The following THTPA variants were observed in gnomAD, a reference collection of about 807,000 sequenced individuals.
THTPA encodes thiamine-triphosphatase.
A neutral mutation model predicts 16.5 loss-of-function variants in THTPA; 16 were observed. The observed-to-expected ratio is 0.97, with a 90% confidence interval of 0.66 to 1.47. The LOEUF (loss-of-function observed/expected upper bound fraction) is 1.47. Ranked by LOEUF, THTPA falls within the 40% of genes most tolerant of loss-of-function variation. The pLI, the probability that THTPA is intolerant of heterozygous loss-of-function variation, is 0.00. For synonymous variants in THTPA, 110 were observed against 115.5 expected (o/e 0.95, Z 0.30); for missense variants, 281 against 280.9 (o/e 1.00, Z 0.00).
At chr14:23,525,854 A>G in the THTPA span, 3 of 1,455,272 alleles carry the variant, frequency 2.1e-6, no homozygotes, top group Non-Finnish European at 1.8e-6. The surrounding 1 kb of genome is among the most constrained non-coding windows in gnomAD (Gnocchi z 5.9). Context: ...GGGCAGGAGC[A>G]GCTGCTGCTG....
chr14:23,552,641 G>C (rs1408671607), upstream of THTPA, among the ~76,000 whole-genome samples: 1 of 151,502 alleles, frequency 6.6e-6, no homozygotes. Context: ...TCACTCTGTC[G>C]CCCAGGCTGC....
the THTPA span, chr14:23,526,408 G>T: frequency 1.1e-5 from 17 of 1,536,318 alleles, no homozygotes; most frequent in Non-Finnish European, 1.5e-5. Flanking sequence ...CCAGGGCAAA[G>T]TTGGTGGTTT....
chr14:23,556,784 G>C lies in THTPA; in HGVS notation c.27G>C (p.Glu9Asp). Residue 9 changes from glutamate to aspartate, a missense_variant, in exon 1 of 2, where the codon GAG becomes GAC. Coordinates refer to ENST00000288014, the MANE Select transcript of THTPA (RefSeq NM_024328.6). ...TGGCCCAGGGCTTGATTGAGGTGGA[G>C]CGAAAGTTCCTTCCAGGGCCTGGCA... MAQGLIEVERKFLPGPGTE... is the reference protein window; with the variant it reads MAQGLIEVDRKFLPGPGTE... The C allele has an allele frequency of 6.2e-7, 1 of 1,613,640 alleles. No homozygotes were observed. Among genetic ancestry groups the C allele is most frequent in the Non-Finnish European group, 8.5e-7 (1 of 1,179,794 alleles).
the THTPA span, chr14:23,529,264 C>T: frequency 3.6e-5 from 6 of 167,356 alleles, no homozygotes; most frequent in Admixed American, 1.2e-4. Context: ...GGTGCCCCTA[C>T]CCTTAGTAAG....
the THTPA span, chr14:23,522,976 A>G: frequency 4.8e-5 from 68 of 1,431,354 alleles, no homozygotes; most frequent in Admixed American, 5.8e-5. Flanking sequence ...AGGATTAGCC[A>G]TCTCCTGTCC....
chr14:23,532,562 C>G, the THTPA span: 1 of 1,437,084 alleles, frequency 7.0e-7, no homozygotes, highest in Non-Finnish European at 9.1e-7. Context: ...CTGACCCAGC[C>G]TCACCTTATA....
At chr14:23,543,175 G>T in the THTPA span, 5 of 152,316 alleles carry the variant, frequency 3.3e-5, no homozygotes, top group East Asian at 9.6e-4. Context: ...TTAAATGTTT[G>T]CCATGGGCCA....
chr14:23,533,621 A>G, the THTPA span: 1 of 1,536,874 alleles, frequency 6.5e-7, no homozygotes, highest in Non-Finnish European at 8.7e-7. The surrounding 1 kb of genome is among the most constrained non-coding windows in gnomAD (Gnocchi z 4.8). Flanking sequence ...TTGCACTGCC[A>G]GGATGATTTG....
the THTPA span, among the ~76,000 whole-genome samples, chr14:23,545,339 G>A: frequency 8.5e-5 from 13 of 152,220 alleles, no homozygotes; most frequent in African/African-American, 2.9e-4. Flanking sequence ...ACAACCACTC[G>A]TCCGCCCTCC....
At chr14:23,514,518 A>G in the THTPA span, 1 of 151,820 alleles carries the variant, frequency 6.6e-6, no homozygotes, top group African/African-American at 2.4e-5. Flanking sequence ...TCCCATTTGG[A>G]CTCTCCACTT....
At chr14:23,548,039 A>G in the THTPA span, among the ~76,000 whole-genome samples, 1 of 152,026 alleles carries the variant, frequency 6.6e-6, no homozygotes, top group East Asian at 1.9e-4. Flanking sequence ...TCCCTGAATG[A>G]GTTTACACTC....
the THTPA span, among the ~76,000 whole-genome samples, chr14:23,518,743 C>T: frequency 6.5e-4 from 99 of 152,266 alleles, 1 homozygote; most frequent in Middle Eastern, 3.4e-3. The surrounding 1 kb of genome is among the most constrained non-coding windows in gnomAD (Gnocchi z 4.5). Context: ...TGTTATTGTG[C>T]CAAATGCTTG....
the THTPA span, chr14:23,524,230 C>G: frequency 6.5e-7 from 1 of 1,536,544 alleles, no homozygotes; most frequent in East Asian, 2.4e-5. This position sits in a 1 kb window ranked among gnomAD's most constrained non-coding sequence, Gnocchi z 5.6. Flanking sequence ...TATTCTGGAA[C>G]CAGACCTGTA....
chr14:23,552,442 A>G (rs537996497), upstream of THTPA, among the ~76,000 whole-genome samples: 18 of 151,804 alleles, frequency 1.2e-4, no homozygotes, highest in South Asian at 3.8e-3. Flanking sequence ...ACAGGCATGC[A>G]TCAACACACC....
chr14:23,535,944 CA>C, the THTPA span, among the ~76,000 whole-genome samples: 1 of 152,128 alleles, frequency 6.6e-6, no homozygotes, highest in Non-Finnish European at 1.5e-5. This position sits in a 1 kb window ranked among gnomAD's most constrained non-coding sequence, Gnocchi z 4.5. Flanking sequence ...TTCCTATCTC[CA>C]AAGTTGGTAC....
chr14:23,526,895 G>A, the THTPA span: 8 of 1,534,360 alleles, frequency 5.2e-6, no homozygotes, highest in Non-Finnish European at 7.0e-6. Flanking sequence ...TGAGTGGGGG[G>A]TTCTTGGCCA....
chr14:23,522,769 G>C, the THTPA span: 1 of 1,536,460 alleles, frequency 6.5e-7, no homozygotes. Flanking sequence ...TGTCCCCCAA[G>C]GGCTCAGTAG....
At chr14:23,521,661 C>T in the THTPA span, 1 of 364,678 alleles carries the variant, frequency 2.7e-6, no homozygotes, top group Non-Finnish European at 5.0e-6. Context: ...GTGTGGTAGG[C>T]AGACATGTAT....
At position 23,559,629 on chromosome 14, in the gene THTPA, AG is replaced by A. The variant is rs1883073591; in HGVS notation, c.*790del. 3 of 822,332 alleles carry A rather than the reference AG, an allele frequency of 3.6e-6. No individual in the cohort carries two copies. The highest frequency in any genetic ancestry group is 6.0e-6 in the Non-Finnish European group (3 of 499,844). The allele number at this position is 822,332 out of a possible 1,614,324, so 50.9% of individuals were successfully genotyped here. ...TTGTGGGAGAAGGGGGCTGGTCCCC[AG>A]TTTTTGCAGTGCAAAGCCAGAGCGC... On this transcript the variant is annotated 3_prime_UTR_variant, in exon 2 of 2. Coordinates refer to ENST00000288014, the MANE Select transcript of THTPA (RefSeq NM_024328.6).
Sources: allele counts gnomAD v4.1 joint callset (sites outside exome capture counted in the v4.1 genomes callset), GRCh38; gene constraint gnomAD v4.1.1; non-coding constraint Gnocchi (gnomAD v3.1); transcripts MANE v1.5; gene names NCBI Gene and HGNC (gene_info 2026-07-23, HGNC 2026-07-21).